Variants in PAWR observed in about 807,000 individuals in gnomAD.
The protein encoded by PAWR is PRKC apoptosis WT1 regulator protein.
PAWR carries 23 observed loss-of-function variants against 32.0 expected under a neutral mutation model. The observed-to-expected ratio is 0.72, with a 90% CI of 0.52 to 1.02. PAWR has a LOEUF of 1.02. PAWR is among the 50% of genes least tolerant of loss of function. PAWR has a pLI of 0.00. For missense variants in PAWR, 457 were observed against 437.7 expected, an observed-to-expected ratio of 1.04 and a Z score of -0.39; for synonymous variants, 226 against 187.1, an observed-to-expected ratio of 1.21 and a Z score of -1.70.
Position 79,596,644 on chromosome 12 carries a change from G to T in PAWR, c.698C>A (p.Ser233Tyr). The change falls in exon 5 of 7, where the codon TCT (serine) becomes TAT (tyrosine). Residue 233 changes from serine (S) to tyrosine (Y), a missense_variant. Physicochemically the swap from Ser to Tyr is moderately radical, Grantham distance 144. Coordinates refer to ENST00000328827, the MANE Select transcript of PAWR (RefSeq NM_002583.4). ...ATATCTACTTGAGACATCTTCTTCAGAGACACTGGTTGTGCTGTGGAAATA... is the reference window on the plus strand; with the variant it reads ...ATATCTACTTGAGACATCTTCTTCATAGACACTGGTTGTGCTGTGGAAATA... ...SGRYKSTTSV[S>Y]EEDVSSRYSR... 1 of 1,591,530 alleles carries T rather than the reference G, an allele frequency of 6.3e-7. No homozygotes were observed. Among genetic ancestry groups the T allele is most frequent in the South Asian group, 1.2e-5 (1 of 86,792 alleles).
intron 4 of PAWR, among the ~76,000 whole-genome samples, chr12:79,609,074 A>T (rs769644851): frequency 2.0e-5 from 3 of 152,138 alleles, no homozygotes; most frequent in Non-Finnish European, 4.4e-5. Context: ...CACCTCAAAA[A>T]AACAAAAGGA....
At chr12:79,612,739 G>A (rs938448962) in intron 4 of PAWR, among the ~76,000 whole-genome samples, 14 of 152,126 alleles carry the variant, frequency 9.2e-5, no homozygotes, top group Admixed American at 2.0e-4. Context: ...GATTATTAGC[G>A]CAAGTATGAC....
chr12:79,673,511 G>A (rs1019864052), intron 2 of PAWR, among the ~76,000 whole-genome samples: 3 of 152,292 alleles, frequency 2.0e-5, no homozygotes, highest in East Asian at 3.9e-4. Flanking sequence ...TTAGTCACTA[G>A]AGCAGCACTC....
At chr12:79,650,329 T>C (rs1357674039) in intron 2 of PAWR, among the ~76,000 whole-genome samples, 1 of 152,240 alleles carries the variant, frequency 6.6e-6, no homozygotes, top group Non-Finnish European at 1.5e-5. Context: ...CACGCTACAT[T>C]GACACTGTAC....
intron 5 of PAWR, among the ~76,000 whole-genome samples, chr12:79,595,306 A>G (rs559307056): frequency 6.6e-6 from 1 of 152,280 alleles, no homozygotes; most frequent in Non-Finnish European, 1.5e-5. Flanking sequence ...TCTTATTTAG[A>G]ATCCAGGGCA....
chr12:79,604,350 T>C, intron 4 of PAWR: 2 of 1,006,200 alleles, frequency 2.0e-6, no homozygotes, highest in Non-Finnish European at 2.4e-6. Flanking sequence ...TTTCCCCCTC[T>C]GGGAATTTTC....
chr12:79,606,162 A>C (rs188601529), intron 4 of PAWR, among the ~76,000 whole-genome samples: 2 of 152,328 alleles, frequency 1.3e-5, no homozygotes, highest in African/African-American at 2.4e-5. Context: ...CAAATCTATA[A>C]GGACAGAAAA....
intron 2 of PAWR, among the ~76,000 whole-genome samples, chr12:79,671,377 A>G (rs1000301325): frequency 2.0e-5 from 3 of 152,212 alleles, no homozygotes; most frequent in African/African-American, 7.2e-5. Context: ...GGTTTTAATC[A>G]ATATTCTGTA....
chr12:79,638,896 ATTTTTTTTTTTTTTTTTTTT>A (rs60375837), intron 2 of PAWR, among the ~76,000 whole-genome samples: 3 of 10,008 alleles, frequency 3.0e-4, no homozygotes, highest in African/African-American at 1.1e-3. Flanking sequence ...ATATATATAT[ATTTTTTTTTTTTTTTTTTTT>A]TTTTTTTTTT....
At chr12:79,624,697 T>G (rs1477708967) in intron 2 of PAWR, among the ~76,000 whole-genome samples, 1 of 152,150 alleles carries the variant, frequency 6.6e-6, no homozygotes, top group African/African-American at 2.4e-5. Flanking sequence ...GAGGAAGAAG[T>G]TGGCGGAAAT....
intron 2 of PAWR, among the ~76,000 whole-genome samples, chr12:79,677,114 G>A (rs191244459): frequency 1.5e-4 from 23 of 152,248 alleles, no homozygotes; most frequent in Middle Eastern, 3.4e-3. Flanking sequence ...TAACTTAAGC[G>A]TTCAAAAGGC....
chr12:79,625,128 T>C (rs1279978635), intron 2 of PAWR, among the ~76,000 whole-genome samples: 1 of 152,210 alleles, frequency 6.6e-6, no homozygotes, highest in African/African-American at 2.4e-5. Context: ...AGTGTAATTT[T>C]AGCAGCAGTT....
chr12:79,598,754 A>C (rs1053186292), intron 4 of PAWR, among the ~76,000 whole-genome samples: 1 of 152,150 alleles, frequency 6.6e-6, no homozygotes, highest in African/African-American at 2.4e-5. Flanking sequence ...CTCCTCAAAA[A>C]TCCAACTTTC....
At chr12:79,685,511 C>T (rs1482600584) in intron 2 of PAWR, among the ~76,000 whole-genome samples, 3 of 152,134 alleles carry the variant, frequency 2.0e-5, no homozygotes, top group African/African-American at 7.2e-5. Flanking sequence ...CTTTATCTTC[C>T]CTTTCACCAA....
Position 79,632,346 on chromosome 12 carries a change from T to C in PAWR, c.517-11139A>G, listed in dbSNP as rs1361545048. On this transcript the variant is annotated intron_variant, in intron 2 of 6. Transcript: ENST00000328827. ...ATATATATATATATATATATATATA[T>C]ATATATATATATATATTTTTTTTTT... Among the ~76,000 whole-genome samples, 22 of 66,754 alleles carry C rather than the reference T, an allele frequency of 3.3e-4. 1 individual carries two copies. In the East Asian group the frequency reaches 3.7e-3, roughly 11 times the overall value. The allele number at this position is 66,754 out of a possible 152,430, so 43.8% of individuals were successfully genotyped here.
chr12:79,604,508 G>A (rs1874091180), intron 4 of PAWR: 1 of 1,148,644 alleles, frequency 8.7e-7, no homozygotes, highest in Non-Finnish European at 1.1e-6. Flanking sequence ...GCTTAGCAAT[G>A]AGAAGAAATA....
intron 4 of PAWR, among the ~76,000 whole-genome samples, chr12:79,597,478 A>T (rs989688132): frequency 3.3e-5 from 5 of 152,224 alleles, no homozygotes; most frequent in African/African-American, 1.2e-4. Flanking sequence ...GAAAAATAAA[A>T]GTTAAAAAGG....
chr12:79,658,048 CA>C (rs1316788061), intron 2 of PAWR, among the ~76,000 whole-genome samples: 16 of 152,128 alleles, frequency 1.1e-4, no homozygotes, highest in African/African-American at 3.9e-4. Flanking sequence ...AGGTGGGCAT[CA>C]TGGTGCAGGA....
chr12:79,601,207 A>ATTTTT lies in PAWR; in HGVS notation c.684-4554_684-4550dup, dbSNP rs534042888. ...CTGAAAAAGCAAGCAGGAAACCTGA[A>ATTTTT]TTTTTTTTTTTTTTTTTTTTTTTTT... On this transcript the variant is annotated intron_variant, in intron 4 of 6. Transcript: ENST00000328827. Among the ~76,000 whole-genome samples the ATTTTT allele has an allele frequency of 7.9e-4, 94 of 118,496 alleles. 2 individuals are homozygous for ATTTTT. The East Asian group carries it at 0.021, about 26-fold the overall frequency. The allele number at this position is 118,496 out of a possible 152,430, so 77.7% of individuals were successfully genotyped here. A position where few individuals can be genotyped will look rare whatever the true frequency, so the allele number is the denominator to read the frequency against.
Sources: gnomAD v4.1 joint callset for allele counts (sites outside exome capture counted in the v4.1 genomes callset) on GRCh38, gnomAD v4.1.1 for gene constraint, MANE v1.5 for transcripts, NCBI Gene and HGNC (gene_info 2026-07-23, HGNC 2026-07-21) for gene names.